Variants in RUFY4 observed in about 807,000 individuals in gnomAD.
RUFY4 encodes RUN and FYVE domain-containing protein 4.
In RUFY4, 73 loss-of-function variants were observed where a neutral mutation model predicts 69.0. The observed-to-expected ratio is 1.06, with a 90% CI of 0.88 to 1.29. The LOEUF is 1.29. Ranked by LOEUF, RUFY4 falls within the 50% of genes most tolerant of loss-of-function variation. The pLI is 0.00. For synonymous variants in RUFY4, 287 were observed against 271.8 expected, an observed-to-expected ratio of 1.06 and a Z score of -0.55; for missense variants, 770 against 705.6, an observed-to-expected ratio of 1.09 and a Z score of -1.03.
intron 2 of RUFY4, among the ~76,000 whole-genome samples, chr2:218,047,085 G>GA (rs908599229): frequency 7.5e-6 from 1 of 133,318 alleles, no homozygotes; most frequent in Non-Finnish European, 1.6e-5. Context: ...GTATTGAAAA[G>GA]ATTACACTTT....
chr2:218,065,784 CT>C, upstream of RUFY4: 1 of 152,718 alleles, frequency 6.5e-6, no homozygotes, highest in Non-Finnish European at 1.5e-5. Flanking sequence ...GCACCGCCTC[CT>C]TCCAGGAGTC....
chr2:218,039,624 T>G (rs760170118), intron 2 of RUFY4, among the ~76,000 whole-genome samples: 5 of 152,144 alleles, frequency 3.3e-5, no homozygotes, highest in Non-Finnish European at 7.4e-5. Context: ...AGACATTAGC[T>G]GCTGGGGGAA....
chr2:218,067,019 G>A (rs116816213), upstream of RUFY4, among the ~76,000 whole-genome samples: 942 of 152,324 alleles, frequency 6.2e-3, 8 homozygotes, highest in African/African-American at 0.022. Flanking sequence ...ATTTCAACAC[G>A]CTAATACAGA....
intron 8 of RUFY4, among the ~76,000 whole-genome samples, chr2:218,078,604 C>T (rs1396647408): frequency 6.6e-6 from 1 of 152,148 alleles, no homozygotes; most frequent in African/African-American, 2.4e-5. Flanking sequence ...AGGAGAGAGA[C>T]TTGACTTTTT....
chr2:218,065,042 C>A (rs1385902272), upstream of RUFY4, among the ~76,000 whole-genome samples: 6 of 152,216 alleles, frequency 3.9e-5, no homozygotes, highest in African/African-American at 1.4e-4. Flanking sequence ...GGGACAGACA[C>A]TGAGGTCAGC....
intron 2 of RUFY4, among the ~76,000 whole-genome samples, chr2:218,043,056 G>T (rs1399249375): frequency 2.6e-5 from 4 of 152,170 alleles, no homozygotes; most frequent in African/African-American, 9.7e-5. Context: ...GACAAGTGGA[G>T]GGTGAGCAAG....
chr2:218,076,442 C>T (rs767924471), exon 8 of RUFY4: 2 of 1,549,904 alleles, frequency 1.3e-6, no homozygotes, highest in Non-Finnish European at 1.7e-6. Context: ...CAGACTTGGG[C>T]TCCGGAAGGC....
At chr2:218,081,256 G>A (rs950238955) in intron 8 of RUFY4, among the ~76,000 whole-genome samples, 1 of 152,052 alleles carries the variant, frequency 6.6e-6, no homozygotes, top group Admixed American at 6.5e-5. Context: ...ACTGCCCTTT[G>A]TGGCAGCCCA....
chr2:218,072,264 T>A, intron 2 of RUFY4, 110 bp from the exon 5 acceptor site: 1 of 1,333,826 alleles, frequency 7.5e-7, no homozygotes, highest in East Asian at 2.5e-5. Context: ...ATGCCGGGTG[T>A]GTCTGCAGGA....
intron 2 of RUFY4, among the ~76,000 whole-genome samples, chr2:218,041,567 A>G (rs1421323906): frequency 1.3e-5 from 2 of 151,280 alleles, no homozygotes; most frequent in African/African-American, 4.9e-5. Flanking sequence ...AGGCTTTTAT[A>G]GGTTGGACAC....
At chr2:218,052,615 G>T (rs991624996) in intron 2 of RUFY4, among the ~76,000 whole-genome samples, 3 of 151,992 alleles carry the variant, frequency 2.0e-5, no homozygotes, top group Non-Finnish European at 4.4e-5. Context: ...ATAGTTTCTT[G>T]CCAGACACAG....
chr2:218,073,072 G>C (rs764179134), intron 4 of RUFY4, among the ~76,000 whole-genome samples, 171 bp from the exon 7 acceptor site: 1 of 152,066 alleles, frequency 6.6e-6, no homozygotes, highest in African/African-American at 2.4e-5. Flanking sequence ...GGAGCATCAG[G>C]GTTCTTGGGC....
At chr2:218,059,704 C>CCATTCATTCATT (rs141270511) in intron 3 of RUFY4, 5 of 166,750 alleles carry the variant, frequency 3.0e-5, no homozygotes, top group African/African-American at 1.2e-4. Flanking sequence ...TCTTGTTTAG[C>CCATTCATTCATT]CATTCATTCA....
intron 3 of RUFY4, chr2:218,061,128 A>T (rs1319875577): frequency 2.0e-6 from 1 of 501,298 alleles, no homozygotes; most frequent in African/African-American, 1.9e-5. Context: ...AATGTCAGGG[A>T]AAAGAACAGG....
chr2:218,038,895 G>T (rs1379823882), intron 2 of RUFY4, among the ~76,000 whole-genome samples: 1 of 152,098 alleles, frequency 6.6e-6, no homozygotes, highest in Non-Finnish European at 1.5e-5. Flanking sequence ...TAGGAAAAGC[G>T]AGGGCTTTCC....
intron 2 of RUFY4, among the ~76,000 whole-genome samples, chr2:218,052,341 C>T (rs924102884): frequency 1.3e-5 from 2 of 152,202 alleles, no homozygotes; most frequent in Non-Finnish European, 2.9e-5. Flanking sequence ...TGTAACCAGA[C>T]AATTTCACGT....
chr2:218,052,807 T>A (rs1688976822), intron 2 of RUFY4, among the ~76,000 whole-genome samples: 1 of 148,842 alleles, frequency 6.7e-6, no homozygotes, highest in Non-Finnish European at 1.5e-5. Flanking sequence ...ATATTGGGTT[T>A]TTTGAAAGTC....
At chr2:218,054,702 T>C (rs1243460067) in intron 2 of RUFY4, among the ~76,000 whole-genome samples, 3 of 152,240 alleles carry the variant, frequency 2.0e-5, no homozygotes, top group Non-Finnish European at 4.4e-5. Flanking sequence ...ATACAAATTA[T>C]GATTTTTATA....
chr2:218,050,151 CA>C (rs1258590063), intron 2 of RUFY4, among the ~76,000 whole-genome samples: 1 of 152,172 alleles, frequency 6.6e-6, no homozygotes, highest in African/African-American at 2.4e-5. Flanking sequence ...AGTATTCCTC[CA>C]TTTTTAGCCC....
Sources: gnomAD v4.1 joint callset for allele counts (sites outside exome capture counted in the v4.1 genomes callset) on GRCh38, gnomAD v4.1.1 for gene constraint, MANE v1.5 for transcripts, NCBI Gene and HGNC (gene_info 2026-07-23, HGNC 2026-07-21) for gene names.